The following CD52 variants were observed in gnomAD, a reference collection of about 807,000 sequenced individuals.
CD52 encodes the protein CD52 molecule, also known as CAMPATH-1 antigen.
Under a neutral mutation model 2.5 loss-of-function variants are expected in CD52, and 2 were observed. The observed-to-expected ratio is 0.79, with a 90% confidence interval of 0.32 to 2.48. CD52 has a LOEUF of 2.48. Among genes scored for constraint, CD52 ranks in the 30% most tolerant of loss-of-function variants. The probability of loss-of-function intolerance (pLI) is 0.11; values close to 1 mark genes in which losing one functional copy is unlikely to be tolerated. For synonymous variants in CD52, 24 were observed against 27.7 expected, an observed-to-expected ratio of 0.87 and a Z score of 0.42; for missense variants, 62 against 75.8, an observed-to-expected ratio of 0.82 and a Z score of 0.68.
intron 1 of CD52, 139 bp downstream of exon 1, chr1:26,318,210 G>A: frequency 1.4e-6 from 1 of 721,508 alleles, no homozygotes; most frequent in Non-Finnish European, 2.4e-6. Context: ...AGGAAAACTG[G>A]GGACACAGCG....
chr1:26,318,966 CCT>C (rs1475914535), intron 1 of CD52: 2 of 152,314 alleles, frequency 1.3e-5, no homozygotes, highest in South Asian at 2.1e-4. Context: ...CCAGGGCTCC[CCT>C]GTCTCCCTCT....
At position 26,320,238 on chromosome 1, in the gene CD52, T is replaced by C; in HGVS notation, c.122T>C (p.Ile41Thr). ...AGCAGCCCCTCAGCATCCAGCAACATAAGCGGAGGCATTTTCCTTTTCTTC... is the reference window on the plus strand; with the variant it reads ...AGCAGCCCCTCAGCATCCAGCAACACAAGCGGAGGCATTTTCCTTTTCTTC... ...QTSSPSASSN[I>T]SGGIFLFFVA... The change falls in exon 2 of 2, where the codon ATA (isoleucine) becomes ACA (threonine). Residue 41 changes from isoleucine to threonine, a missense_variant. Coordinates refer to ENST00000374213, the MANE Select transcript of CD52 (RefSeq NM_001803.3). 6.2e-7 allele frequency: 1 copy of C among 1,613,564 alleles called. No homozygotes were observed. Among genetic ancestry groups the C allele is most frequent in the Non-Finnish European group, 8.5e-7 (1 of 1,179,864 alleles).
chr1:26,319,977 G>A (rs964470461), intron 1 of CD52, among the ~76,000 whole-genome samples, 194 bp from the exon 2 acceptor site: 18 of 151,722 alleles, frequency 1.2e-4, no homozygotes, highest in Admixed American at 6.6e-5. Flanking sequence ...AAAATTAGCC[G>A]GGCGTGGTGG....
chr1:26,318,644 C>G (rs2073821790), intron 1 of CD52: 1 of 153,076 alleles, frequency 6.5e-6, no homozygotes, highest in East Asian at 1.9e-4. Flanking sequence ...ATCCCAGGTG[C>G]CCAGAGGGGA....
rs2124686076 is a variant in CD52 at position 26,320,304 on chromosome 1, G to A, written c.*2G>A. The A allele has an allele frequency of 6.2e-7, 1 of 1,611,220 alleles. No homozygotes were observed. The highest frequency in any genetic ancestry group is 1.1e-5 in the South Asian group (1 of 90,718). On this transcript the variant is annotated 3_prime_UTR_variant, in exon 2 of 2. Transcript: ENST00000374213. Reference sequence around the variant, plus strand: ...ATCCACCTCTTCTGCTTCAGTTGAGGTGACACGTCTCAGCCTTAGCCCTGT... The same window carrying A: ...ATCCACCTCTTCTGCTTCAGTTGAGATGACACGTCTCAGCCTTAGCCCTGT...
At chr1:26,318,841 T>C (rs1419978153) in intron 1 of CD52, 1 of 152,658 alleles carries the variant, frequency 6.6e-6, no homozygotes, top group East Asian at 1.9e-4. Flanking sequence ...AAGTGCTTTC[T>C]CACTCAGCCC....
At position 26,320,302 on chromosome 1, in the gene CD52, A is replaced by G; in HGVS notation, c.186A>G (p.Ter62TrpextTer7). ...TAATCCACCTCTTCTGCTTCAGTTGAGGTGACACGTCTCAGCCTTAGCCCT... is the reference window on the plus strand; with the variant it reads ...TAATCCACCTCTTCTGCTTCAGTTGGGGTGACACGTCTCAGCCTTAGCCCT... ...NAIIHLFCFS[*>W] Residue 62 changes from the stop codon to tryptophan (W), a stop_lost, in exon 2 of 2, where the codon TGA (stop) becomes TGG (tryptophan). Coordinates refer to ENST00000374213, the MANE Select transcript of CD52 (RefSeq NM_001803.3). 2 of 1,611,160 alleles carry G rather than the reference A, an allele frequency of 1.2e-6. No individual in the cohort carries two copies. The highest frequency in any genetic ancestry group is 1.7e-6 in the Non-Finnish European group (2 of 1,179,014).
intron 1 of CD52, chr1:26,318,641 G>A (rs1247526800): frequency 1.3e-5 from 2 of 153,170 alleles, no homozygotes; most frequent in Middle Eastern, 6.8e-3. Flanking sequence ...AGCATCCCAG[G>A]TGCCCAGAGG....
rs1180468916 is a variant in CD52, at chr1:26,320,344, C to T, written c.*42C>T. The T allele has an allele frequency of 6.4e-7, 1 of 1,570,984 alleles. No individual in the cohort carries two copies. Among genetic ancestry groups the T allele is most frequent in the East Asian group, 2.3e-5 (1 of 44,012 alleles). ...CTTAGCCCTGTGCCCCCTGAAACAG[C>T]TGCCACCATCACTCGCAAGAGAATC... On this transcript the variant is annotated 3_prime_UTR_variant, in exon 2 of 2. Coordinates refer to ENST00000374213, the MANE Select transcript of CD52 (RefSeq NM_001803.3).
Position 26,320,368 on chromosome 1 carries a change from T to C in CD52, c.*66T>C. On this transcript the variant is annotated 3_prime_UTR_variant, in exon 2 of 2. Transcript: ENST00000374213. ...GCTGCCACCATCACTCGCAAGAGAA[T>C]CCCCTCCATCTTTGGGAGGGGTTGA... The C allele has an allele frequency of 6.5e-7, 1 of 1,541,406 alleles. No homozygotes were observed. Among genetic ancestry groups the C allele is most frequent in the Non-Finnish European group, 8.7e-7 (1 of 1,146,838 alleles).
chr1:26,320,429 A>G lies in CD52; in HGVS notation c.*127A>G, dbSNP rs886435436. ...CACCAGGTTGTAGAAGTTGACAGGC[A>G]GTGCCATGGGGGCAACAGCCAAAAT... On this transcript the variant is annotated 3_prime_UTR_variant, in exon 2 of 2. Coordinates refer to ENST00000374213, the MANE Select transcript of CD52 (RefSeq NM_001803.3). 4 of 1,328,742 alleles carry G rather than the reference A, an allele frequency of 3.0e-6. No individual in the cohort carries two copies. In the Admixed American group the frequency reaches 7.1e-5, roughly 23 times the overall value. The allele number at this position is 1,328,742 out of a possible 1,614,324, so 82.3% of individuals were successfully genotyped here.
Position 26,320,297 on chromosome 1 carries a change from A to G in CD52, c.181A>G (p.Ser61Gly). The change falls in exon 2 of 2, where the codon AGT becomes GGT. Residue 61 changes from serine (S) to glycine (G), a missense_variant. Transcript: ENST00000374213. ...TGCCATAATCCACCTCTTCTGCTTC[A>G]GTTGAGGTGACACGTCTCAGCCTTA... ...ANAIIHLFCF[S>G] 1 of 1,611,582 alleles carries G rather than the reference A, an allele frequency of 6.2e-7. No individual in the cohort carries two copies. Among genetic ancestry groups the G allele is most frequent in the Non-Finnish European group, 8.5e-7 (1 of 1,179,162 alleles).
Position 26,318,241 on chromosome 1 carries a change from C to T in CD52, c.54+170C>T, listed in dbSNP as rs2073818512. On this transcript the variant is annotated intron_variant, in intron 1 of 1. Transcript: ENST00000374213. ...CAGCGGGCCTGGCCGCCCAGCCTTC[C>T]AGCTCTTCTGGCTGGGGCTGCACTG... is the stretch of plus-strand genomic sequence containing the variant. 1.1e-5 allele frequency: 7 copies of T among 623,880 alleles called. No individual in the cohort carries two copies. The East Asian group carries it at 1.4e-4, about 12-fold the overall frequency. The allele number at this position is 623,880 out of a possible 1,614,324, so 38.6% of individuals were successfully genotyped here. A position where few individuals can be genotyped will look rare whatever the true frequency, so the allele number is the denominator to read the frequency against.
chr1:26,319,597 C>CT (rs1265272661), intron 1 of CD52, among the ~76,000 whole-genome samples: 2 of 152,110 alleles, frequency 1.3e-5, no homozygotes, highest in Non-Finnish European at 2.9e-5. Flanking sequence ...GAGCGAAACT[C>CT]TATCTCAAAA....
chr1:26,320,350 C>A lies in CD52; in HGVS notation c.*48C>A, dbSNP rs375340876. ...CCTGTGCCCCCTGAAACAGCTGCCA[C>A]CATCACTCGCAAGAGAATCCCCTCC... On this transcript the variant is annotated 3_prime_UTR_variant, in exon 2 of 2. Coordinates refer to ENST00000374213, the MANE Select transcript of CD52 (RefSeq NM_001803.3). The A allele has an allele frequency of 1.9e-6, 3 of 1,565,968 alleles. No individual in the cohort carries two copies. The African/African-American group carries it at 4.1e-5, about 22-fold the overall frequency.
In CD52 at chr1:26,320,442, C is replaced by T; in HGVS notation, c.*140C>T. 8.8e-7 allele frequency: 1 copy of T among 1,132,008 alleles called. No individual in the cohort carries two copies. Among genetic ancestry groups the T allele is most frequent in the African/African-American group, 1.6e-5 (1 of 63,852 alleles). 70.1% of individuals were successfully genotyped at this position (1,132,008 alleles called of 1,614,324 possible). ...AAGTTGACAGGCAGTGCCATGGGGG[C>T]AACAGCCAAAATAGGGGGGTAATGA... On this transcript the variant is annotated 3_prime_UTR_variant, in exon 2 of 2. Transcript: ENST00000374213.
At chr1:26,319,188 C>T (rs1030231644) in intron 1 of CD52, among the ~76,000 whole-genome samples, 6 of 152,060 alleles carry the variant, frequency 3.9e-5, no homozygotes, top group South Asian at 2.1e-4. Context: ...CGCGCTGGCT[C>T]GCGTCTGTAA....
At chr1:26,320,077 A>G in intron 1 of CD52, 94 bp from the exon 2 acceptor site, 2 of 1,434,868 alleles carry the variant, frequency 1.4e-6, no homozygotes, top group Non-Finnish European at 1.9e-6. Context: ...CCGAGATCGC[A>G]TCACTGCAGT....
Position 26,320,287 on chromosome 1 carries a change from C to G in CD52, c.171C>G (p.Leu57=), listed in dbSNP as rs774437535. The part of the protein sequence containing the change: ...LFFVANAIIH[L]FCFS ...TCGTGGCCAATGCCATAATCCACCT[C>G]TTCTGCTTCAGTTGAGGTGACACGT... The change falls in exon 2 of 2, where the codon CTC becomes CTG. Residue 57 remains leucine, a synonymous_variant. Coordinates refer to ENST00000374213, the MANE Select transcript of CD52 (RefSeq NM_001803.3). 1.2e-6 allele frequency: 2 copies of G among 1,612,576 alleles called. No individual in the cohort carries two copies. The highest frequency in any genetic ancestry group is 1.1e-5 in the South Asian group (1 of 90,886).
Sources: allele counts gnomAD v4.1 joint callset (sites outside exome capture counted in the v4.1 genomes callset), GRCh38; gene constraint gnomAD v4.1.1; transcripts MANE v1.5; gene names NCBI Gene and HGNC (gene_info 2026-07-23, HGNC 2026-07-21).